ZNF454: variants seen among roughly 807,000 people sequenced by gnomAD.
The protein encoded by ZNF454 is zinc finger protein 454.
Under a neutral mutation model 48.2 loss-of-function variants are expected in ZNF454, and 30 were observed. The ratio of observed to expected loss-of-function variants is 0.62; its 90% CI spans 0.47 to 0.84. The LOEUF is 0.84. Ranked by LOEUF, ZNF454 falls within the 40% of genes least tolerant of loss-of-function variation. ZNF454 has a pLI of 0.00. For synonymous variants in ZNF454, 204 were observed against 211.4 expected (o/e 0.97, Z 0.30); for missense variants, 510 against 623.1 (o/e 0.82, Z 1.93).
At chr5:178,948,443 T>A (rs1759422378) in intron 4 of ZNF454, among the ~76,000 whole-genome samples, 2 of 152,236 alleles carry the variant, frequency 1.3e-5, no homozygotes, top group African/African-American at 4.8e-5. Flanking sequence ...CCTAAATCAT[T>A]CAATCATCCA....
chr5:178,968,629 A>C, downstream of ZNF454: 1 of 368,838 alleles, frequency 2.7e-6, no homozygotes. Context: ...TGACACCCTC[A>C]GATTCCAGAG....
chr5:178,985,682 GAC>G, the ZNF454 span: 18 of 386,938 alleles, frequency 4.7e-5, no homozygotes, highest in Admixed American at 2.1e-4. Context: ...CAGCCTGGGC[GAC>G]ACAGCGAGAC....
downstream of ZNF454, among the ~76,000 whole-genome samples, chr5:178,967,742 C>CTTTT (rs10694687): frequency 1.5e-5 from 2 of 129,512 alleles, no homozygotes; most frequent in African/African-American, 2.9e-5. Flanking sequence ...TTTTCTTTTT[C>CTTTT]TTTTTTTTTT....
chr5:178,977,486 T>C, the ZNF454 span: 1 of 453,008 alleles, frequency 2.2e-6, no homozygotes, highest in Non-Finnish European at 4.5e-6. Flanking sequence ...ACTGAGTCTA[T>C]GGTACTCTTT....
At chr5:178,981,651 G>T in the ZNF454 span, 1 of 1,610,196 alleles carries the variant, frequency 6.2e-7, no homozygotes, top group Non-Finnish European at 8.5e-7. This position sits in a 1 kb window ranked among gnomAD's most constrained non-coding sequence, Gnocchi z 5.1. Flanking sequence ...GTTCCCACCT[G>T]CCCTGCTACT....
the ZNF454 span, among the ~76,000 whole-genome samples, chr5:178,971,833 G>A: frequency 9.6e-5 from 13 of 135,316 alleles, no homozygotes; most frequent in Admixed American, 6.1e-4. Flanking sequence ...TCCAGGCTGG[G>A]CAGCGAGACT....
Position 178,966,254 on chromosome 5 carries a change from G to A in ZNF454, c.*281G>A, listed in dbSNP as rs1429394480. 3 of 249,440 alleles carry A rather than the reference G, an allele frequency of 1.2e-5. No homozygotes were observed. Among genetic ancestry groups the A allele is most frequent in the Non-Finnish European group, 2.3e-5 (3 of 130,044 alleles). The allele number at this position is 249,440 out of a possible 1,614,324, so 15.5% of individuals were successfully genotyped here. A position where few individuals can be genotyped will look rare whatever the true frequency, so the allele number is the denominator to read the frequency against. On this transcript the variant is annotated 3_prime_UTR_variant, in exon 5 of 5. Transcript: ENST00000519564. ...TCGAGACCATCCTGGCTAACAGGGT[G>A]AAACCCCATCGCTACTAAAAATATA... is the stretch of plus-strand genomic sequence containing the variant.
At chr5:178,954,574 A>G (rs1375955750) in intron 4 of ZNF454, among the ~76,000 whole-genome samples, 1 of 152,224 alleles carries the variant, frequency 6.6e-6, no homozygotes, top group Non-Finnish European at 1.5e-5. Context: ...TCAGATTACA[A>G]TTACATGGAA....
intron 2 of ZNF454, 72 bp downstream of exon 2, chr5:178,942,896 C>G: frequency 1.3e-6 from 2 of 1,539,498 alleles, no homozygotes; most frequent in Non-Finnish European, 1.8e-6. Flanking sequence ...TTCCTCAGAC[C>G]GGGAGCTTTA....
the ZNF454 span, among the ~76,000 whole-genome samples, chr5:178,972,078 C>T: frequency 1.3e-5 from 2 of 151,892 alleles, no homozygotes; most frequent in South Asian, 4.2e-4. Context: ...GGATTACAGG[C>T]ATGCACCACC....
chr5:178,985,128 C>T, the ZNF454 span: 1 of 333,010 alleles, frequency 3.0e-6, no homozygotes, highest in East Asian at 1.0e-4. Context: ...CCCTGTGCCT[C>T]TCATCCACAC....
At position 178,946,614 on chromosome 5, in the gene ZNF454, C is replaced by A; in HGVS notation, c.160+129C>A. ...GTCTTCAAGGGTGCCATTAATTTTA[C>A]CTGTCCTTGGTGTCCTGGGCACAGG... is the stretch of plus-strand genomic sequence containing the variant. On this transcript the variant is annotated intron_variant, in intron 3 of 4. Coordinates refer to ENST00000519564, the MANE Select transcript of ZNF454 (RefSeq NM_001178089.3). The surrounding 1 kb of genome is among the most constrained non-coding windows in gnomAD (Gnocchi z 4.5). 1.5e-6 allele frequency: 2 copies of A among 1,320,884 alleles called. No individual in the cohort carries two copies. Among genetic ancestry groups the A allele is most frequent in the Non-Finnish European group, 2.0e-6 (2 of 978,212 alleles). The allele number at this position is 1,320,884 out of a possible 1,614,324, so 81.8% of individuals were successfully genotyped here. A position where few individuals can be genotyped will look rare whatever the true frequency, so the allele number is the denominator to read the frequency against.
chr5:178,989,007 C>T, the ZNF454 span: 1 of 1,613,932 alleles, frequency 6.2e-7, no homozygotes, highest in Admixed American at 1.7e-5. Flanking sequence ...GGGCACAGGC[C>T]TGTGTGCCCA....
At chr5:178,942,985 G>A (rs527403544) in intron 2 of ZNF454, among the ~76,000 whole-genome samples, 161 bp downstream of exon 2, 160 of 152,096 alleles carry the variant, frequency 1.1e-3, no homozygotes, top group African/African-American at 3.8e-3. Context: ...CCCCATATCC[G>A]GCTCATCCTG....
At chr5:178,942,597 G>T in intron 1 of ZNF454, 88 bp from the exon 2 acceptor site, 1 of 547,970 alleles carries the variant, frequency 1.8e-6, no homozygotes, top group Non-Finnish European at 3.2e-6. Flanking sequence ...CACTGCTTGG[G>T]GTACTGGAGG....
At chr5:178,986,094 C>A in the ZNF454 span, 1 of 1,594,344 alleles carries the variant, frequency 6.3e-7, no homozygotes, top group South Asian at 1.1e-5. Flanking sequence ...GACAGTCCCC[C>A]TCCCTGCCCT....
chr5:178,960,786 A>G (rs1165243490), intron 4 of ZNF454, among the ~76,000 whole-genome samples: 2 of 151,428 alleles, frequency 1.3e-5, no homozygotes, highest in African/African-American at 4.8e-5. Context: ...ATACTGTGTG[A>G]TTTGTCTGAT....
At chr5:178,964,572 C>A in intron 4 of ZNF454, 83 bp from the exon 5 acceptor site, 1 of 1,031,242 alleles carries the variant, frequency 9.7e-7, no homozygotes, top group Non-Finnish European at 1.4e-6. Context: ...TTTCTGTTAG[C>A]ATTATGAAGA....
At chr5:178,954,416 G>A (rs1324800640) in intron 4 of ZNF454, among the ~76,000 whole-genome samples, 1 of 151,642 alleles carries the variant, frequency 6.6e-6, no homozygotes, top group Non-Finnish European at 1.5e-5. Context: ...TACTAATAAT[G>A]GACACCCTAG....
Sources: gnomAD v4.1 joint callset for allele counts (sites outside exome capture counted in the v4.1 genomes callset) on GRCh38, gnomAD v4.1.1 for gene constraint, Gnocchi (gnomAD v3.1) non-coding constraint, MANE v1.5 for transcripts, NCBI Gene and HGNC (gene_info 2026-07-23, HGNC 2026-07-21) for gene names.